RFTN1: variants seen among roughly 807,000 people sequenced by gnomAD.
RFTN1 encodes raftlin.
RFTN1 carries 26 observed loss-of-function variants against 46.5 expected under a neutral mutation model. The observed-to-expected ratio is 0.56, with a 90% CI of 0.41 to 0.78. RFTN1 has a LOEUF of 0.78. Ranked by LOEUF, RFTN1 falls within the 30% of genes least tolerant of loss-of-function variation. The pLI is 0.00. For synonymous variants in RFTN1, 261 were observed against 284.2 expected (o/e 0.92, Z 0.82); for missense variants, 693 against 718.7 (o/e 0.96, Z 0.41).
At chr3:16,478,279 C>A (rs886214365) in intron 2 of RFTN1, among the ~76,000 whole-genome samples, 3 of 152,212 alleles carry the variant, frequency 2.0e-5, no homozygotes, top group Admixed American at 2.0e-4. Flanking sequence ...CCATTTCCAC[C>A]TCTTTCTAGC....
rs935067679 is a variant in RFTN1, at chr3:16,448,788, T to C, written c.146-14751A>G. On this transcript the variant is annotated intron_variant, in intron 2 of 9. Transcript: ENST00000334133. This position sits in a 1 kb window ranked among gnomAD's most constrained non-coding sequence, Gnocchi z 4.1. ...CAAACATCCTCCTGAGTCACAAGTC[T>C]CACCCCATGCGGGGATTACAGGCTG... Among the ~76,000 whole-genome samples, 2 of 152,176 alleles carry C rather than the reference T, an allele frequency of 1.3e-5. No homozygotes were observed. The highest frequency in any genetic ancestry group is 4.8e-5 in the African/African-American group (2 of 41,440).
intron 5 of RFTN1, among the ~76,000 whole-genome samples, chr3:16,372,224 G>C (rs2073542172): frequency 6.6e-6 from 1 of 152,212 alleles, no homozygotes; most frequent in Non-Finnish European, 1.5e-5. Flanking sequence ...GTGAATGAGT[G>C]CACTGAAGAG....
chr3:16,354,727 C>T (rs1428400446), intron 7 of RFTN1, among the ~76,000 whole-genome samples: 2 of 152,226 alleles, frequency 1.3e-5, no homozygotes, highest in Non-Finnish European at 2.9e-5. Flanking sequence ...AGAATTTTCA[C>T]AATCTTTAAG....
intron 4 of RFTN1, among the ~76,000 whole-genome samples, chr3:16,386,517 C>T (rs937122277): frequency 2.0e-5 from 3 of 152,242 alleles, no homozygotes; most frequent in Non-Finnish European, 4.4e-5. Flanking sequence ...ACCTAGGCAG[C>T]TGGCTCCAGA....
Position 16,334,722 on chromosome 3 carries a change from C to T in RFTN1, c.1147-7846G>A, listed in dbSNP as rs1031327432. 1.3e-5 allele frequency among the ~76,000 whole-genome samples: 2 copies of T among 152,148 alleles called. No individual in the cohort carries two copies. The highest frequency in any genetic ancestry group is 2.9e-5 in the Non-Finnish European group (2 of 68,022). ...AGCCTGTGGTAGACAGAATAATGGC[C>T]CCAAAGATGTCTACAGCCTAATCCC... On this transcript the variant is annotated intron_variant, in intron 7 of 9. Coordinates refer to ENST00000334133, the MANE Select transcript of RFTN1 (RefSeq NM_015150.2). The surrounding 1 kb of genome is among the most constrained non-coding windows in gnomAD (Gnocchi z 4.3).
rs1479459691 is a variant in RFTN1, at chr3:16,353,135, A to G, written c.1146+4797T>C. Among the ~76,000 whole-genome samples the G allele has an allele frequency of 6.6e-6, 1 of 152,214 alleles. No homozygotes were observed. Among genetic ancestry groups the G allele is most frequent in the Non-Finnish European group, 1.5e-5 (1 of 68,042 alleles). ...ACGTTTTGTGGTCGGAGAGCTAGAG[A>G]TTATAGGCCTGCCTGGGAGGACAGT... On this transcript the variant is annotated intron_variant, in intron 7 of 9. Coordinates refer to ENST00000334133, the MANE Select transcript of RFTN1 (RefSeq NM_015150.2). This position sits in a 1 kb window ranked among gnomAD's most constrained non-coding sequence, Gnocchi z 5.4.
Position 16,407,317 on chromosome 3 carries a change from G to A in RFTN1, c.441+2058C>T, listed in dbSNP as rs960766239. On this transcript the variant is annotated intron_variant, in intron 4 of 9. Transcript: ENST00000334133. This position sits in a 1 kb window ranked among gnomAD's most constrained non-coding sequence, Gnocchi z 4.0. ...CTCGCCTCAGCCTCTAGAGTAGCTA[G>A]GACTATAGTCAAGCACCACCATGCT... 1.3e-5 allele frequency among the ~76,000 whole-genome samples: 2 copies of A among 152,056 alleles called. No individual in the cohort carries two copies. The highest frequency in any genetic ancestry group is 2.9e-5 in the Non-Finnish European group (2 of 68,000).
rs2076407161 is a variant in RFTN1, at chr3:16,483,918, G to T, written c.145+9807C>A. 6.6e-6 allele frequency among the ~76,000 whole-genome samples: 1 copy of T among 152,190 alleles called. No homozygotes were observed. Among genetic ancestry groups the T allele is most frequent in the African/African-American group, 2.4e-5 (1 of 41,446 alleles). On this transcript the variant is annotated intron_variant, in intron 2 of 9. Coordinates refer to ENST00000334133, the MANE Select transcript of RFTN1 (RefSeq NM_015150.2). This position sits in a 1 kb window ranked among gnomAD's most constrained non-coding sequence, Gnocchi z 4.8. Reference sequence around the variant, plus strand: ...CAGAAACTTTGAGGATGGGGCCCAGGACTCTGCATTTTGACAAGCCCTCCA... The same window carrying T: ...CAGAAACTTTGAGGATGGGGCCCAGTACTCTGCATTTTGACAAGCCCTCCA...
At chr3:16,436,130 T>G (rs576816307) in intron 2 of RFTN1, among the ~76,000 whole-genome samples, 35 of 151,952 alleles carry the variant, frequency 2.3e-4, no homozygotes, top group African/African-American at 8.4e-4. Context: ...ATTATGTAAT[T>G]TGTATTTTTT....
At chr3:16,319,888 A>G (rs972464656) in intron 9 of RFTN1, among the ~76,000 whole-genome samples, 7 of 152,184 alleles carry the variant, frequency 4.6e-5, no homozygotes, top group Admixed American at 3.9e-4. Context: ...AGCCTGGGGA[A>G]TGGACTCCAG....
rs752137961 is a variant in RFTN1, at chr3:16,409,457, T to G, written c.359A>C (p.Glu120Ala). The change falls in exon 4 of 10, where the codon GAA becomes GCA. Residue 120 changes from glutamate to alanine, a missense_variant. Transcript: ENST00000334133. ...DRSQKTDLHN[E>A]GYILELDCCS... ...GCAATCTAATTCCAAGATGTAGCCT[T>G]CATTGTGAAGATCAGTTTTCTGAGA... The G allele has an allele frequency of 5.0e-6, 8 of 1,612,982 alleles. No individual in the cohort carries two copies. The Admixed American group carries it at 8.3e-5, about 17-fold the overall frequency.
rs1347982820 is a variant in RFTN1, at chr3:16,335,870, G to A, written c.1147-8994C>T. On this transcript the variant is annotated intron_variant, in intron 7 of 9. Transcript: ENST00000334133. The surrounding 1 kb of genome is among the most constrained non-coding windows in gnomAD (Gnocchi z 4.7). ...CCTGGAAACTGGATGGATGGATGGT[G>A]AGGTCTCAGGAGGCCACAGGCAGGA... 1.3e-5 allele frequency among the ~76,000 whole-genome samples: 2 copies of A among 152,166 alleles called. No individual in the cohort carries two copies. The highest frequency in any genetic ancestry group is 4.8e-5 in the African/African-American group (2 of 41,430).
chr3:16,358,000 A>C lies in RFTN1; in HGVS notation c.1078T>G (p.Ser360Ala), dbSNP rs747652257. 5 of 1,613,548 alleles carry C rather than the reference A, an allele frequency of 3.1e-6. No homozygotes were observed. Among genetic ancestry groups the C allele is most frequent in the African/African-American group, 1.3e-5 (1 of 74,806 alleles). ...TGTATGGTTTTGCTATCTTCTGTGG[A>C]AACAGCTTCAAAGATGAATACTCCA... ...TDGVFIFEAV[S>A]TEDSKTIQGY... Residue 360 changes from serine (S) to alanine (A), a missense_variant, in exon 7 of 10, where the codon TCC becomes GCC. Physicochemically the swap from Ser to Ala is moderately conservative, Grantham distance 99. Coordinates refer to ENST00000334133, the MANE Select transcript of RFTN1 (RefSeq NM_015150.2).
At chr3:16,434,858 G>A (rs2075471575) in intron 2 of RFTN1, 1 of 151,966 alleles carries the variant, frequency 6.6e-6, no homozygotes, top group Non-Finnish European at 1.5e-5. Flanking sequence ...TTTTTAAACG[G>A]GAAAAATATA....
intron 9 of RFTN1, among the ~76,000 whole-genome samples, chr3:16,319,594 C>A (rs2068814779): frequency 6.6e-6 from 1 of 152,214 alleles, no homozygotes; most frequent in African/African-American, 2.4e-5. Flanking sequence ...AGCCCAGATA[C>A]TCTCTCCGGG....
At chr3:16,323,872 G>A (rs866990871) in intron 8 of RFTN1, among the ~76,000 whole-genome samples, 2 of 152,212 alleles carry the variant, frequency 1.3e-5, no homozygotes. Context: ...ACAGGACAGT[G>A]GACAGAGGTC....
Position 16,382,984 on chromosome 3 carries a change from G to A in RFTN1, c.442-4882C>T, listed in dbSNP as rs1054826542. 6.6e-6 allele frequency among the ~76,000 whole-genome samples: 1 copy of A among 152,156 alleles called. No individual in the cohort carries two copies. Among genetic ancestry groups the A allele is most frequent in the African/African-American group, 2.4e-5 (1 of 41,440 alleles). ...TGCCCACAACATCTCTAACAACAGC[G>A]ATTACAGGAAACAGCAACTATTAAC... On this transcript the variant is annotated intron_variant, in intron 4 of 9. Transcript: ENST00000334133. The surrounding 1 kb of genome is among the most constrained non-coding windows in gnomAD (Gnocchi z 4.7).
intron 1 of RFTN1, among the ~76,000 whole-genome samples, chr3:16,496,493 T>A (rs1323966234): frequency 6.6e-6 from 1 of 152,238 alleles, no homozygotes; most frequent in Non-Finnish European, 1.5e-5. Flanking sequence ...CTCAACTTCA[T>A]GACTCATCAG....
In RFTN1 at chr3:16,376,207, A is replaced by G. The variant is rs2073763353; in HGVS notation, c.826+1511T>C. On this transcript the variant is annotated intron_variant, in intron 5 of 9. Transcript: ENST00000334133. This position sits in a 1 kb window ranked among gnomAD's most constrained non-coding sequence, Gnocchi z 4.7. ...ACCCCAATAATAGCAGCTCATACTC[A>G]TGAGTCAAACAGTGCCGAGTGCTTT... is the stretch of plus-strand genomic sequence containing the variant. Among the ~76,000 whole-genome samples, 1 of 152,184 alleles carries G rather than the reference A, an allele frequency of 6.6e-6. No homozygotes were observed. The highest frequency in any genetic ancestry group is 1.9e-4 in the East Asian group (1 of 5,200).
Sources: gnomAD v4.1 joint callset for allele counts (sites outside exome capture counted in the v4.1 genomes callset) on GRCh38, gnomAD v4.1.1 for gene constraint, Gnocchi (gnomAD v3.1) non-coding constraint, MANE v1.5 for transcripts, NCBI Gene and HGNC (gene_info 2026-07-23, HGNC 2026-07-21) for gene names.